Variants in CADM2 observed in about 807,000 individuals in gnomAD.
CADM2 encodes the protein immunoglobulin superfamily member 4D.
In CADM2, 12 loss-of-function variants were observed where a neutral mutation model predicts 49.8. The observed-to-expected ratio is 0.24, with a 90% confidence interval of 0.15 to 0.39. The LOEUF is 0.39. CADM2 is among the 10% of genes least tolerant of loss of function. The pLI, the probability that CADM2 is intolerant of heterozygous loss-of-function variation, is 1.00. For missense variants in CADM2, 378 were observed against 492.3 expected, an observed-to-expected ratio of 0.77 and a Z score of 2.20; for synonymous variants, 214 against 175.4, an observed-to-expected ratio of 1.22 and a Z score of -1.74.
chr3:85,897,904 T>TAA (rs1427346248), intron 5 of CADM2, among the ~76,000 whole-genome samples: 1 of 152,194 alleles, frequency 6.6e-6, no homozygotes, highest in Non-Finnish European at 1.5e-5. Flanking sequence ...AGAATGAATT[T>TAA]AAAATATCAT....
At chr3:85,408,188 A>G (rs747569809) in intron 1 of CADM2, among the ~76,000 whole-genome samples, 22 of 152,280 alleles carry the variant, frequency 1.4e-4, no homozygotes, top group South Asian at 4.1e-4. Context: ...ATAATAGTTC[A>G]GCAATATTTT....
intron 1 of CADM2, among the ~76,000 whole-genome samples, chr3:85,086,500 A>G (rs1575833430): frequency 1.4e-5 from 2 of 144,544 alleles, no homozygotes; most frequent in South Asian, 4.3e-4. Context: ...CAAAACATAC[A>G]AGAATAAACT....
intron 1 of CADM2, among the ~76,000 whole-genome samples, chr3:85,282,963 T>TTCA (rs1231497031): frequency 2.6e-5 from 4 of 152,064 alleles, no homozygotes; most frequent in African/African-American, 9.7e-5. Context: ...ATACCCTGAC[T>TTCA]TCATCATAAC....
At position 86,069,548 on chromosome 3, in the gene CADM2, C is replaced by G. The variant is rs1739658862; in HGVS notation, c.*2765C>G. The G allele has an allele frequency of 1.3e-5, 2 of 152,040 alleles. No homozygotes were observed. The highest frequency in any genetic ancestry group is 4.2e-4 in the South Asian group (2 of 4,812). The allele number at this position is 152,040 out of a possible 1,614,324, so 9.4% of individuals were successfully genotyped here. On this transcript the variant is annotated 3_prime_UTR_variant, in exon 10 of 10. Coordinates refer to ENST00000383699, the MANE Select transcript of CADM2 (RefSeq NM_001167675.2). ...TGTAAAAATTATGCTCATTTCTATT[C>G]CAACAAGTCAGAAAATAATGACATA...
intron 1 of CADM2, among the ~76,000 whole-genome samples, chr3:85,596,483 A>G (rs532183112): frequency 3.4e-4 from 52 of 152,250 alleles, no homozygotes; most frequent in Non-Finnish European, 5.0e-4. Flanking sequence ...ATGGTGACTG[A>G]TATTTTAAAA....
intron 1 of CADM2, among the ~76,000 whole-genome samples, chr3:85,476,220 G>A (rs1267029704): frequency 6.6e-6 from 1 of 151,604 alleles, no homozygotes; most frequent in East Asian, 1.9e-4. Context: ...ACAAAGTTTT[G>A]ATAACTGTTA....
At chr3:85,093,937 G>A (rs1706477408) in intron 1 of CADM2, among the ~76,000 whole-genome samples, 1 of 152,030 alleles carries the variant, frequency 6.6e-6, no homozygotes, top group South Asian at 2.1e-4. Context: ...AAGGTAATTA[G>A]CAAAGCTAGG....
At chr3:84,989,846 A>T (rs2032784047) in intron 1 of CADM2, among the ~76,000 whole-genome samples, 1 of 151,958 alleles carries the variant, frequency 6.6e-6, no homozygotes, top group Non-Finnish European at 1.5e-5. Context: ...TATTGTGATT[A>T]TTTTCTTTTC....
Position 85,808,881 on chromosome 3 carries a change from T to TAAG in CADM2, c.238+6687_238+6689dup, listed in dbSNP as rs566296220. 2.8e-3 allele frequency among the ~76,000 whole-genome samples: 421 copies of TAAG among 152,240 alleles called. 1 individual carries two copies. Among genetic ancestry groups the TAAG allele is most frequent in the African/African-American group, 9.8e-3 (406 of 41,548 alleles). On this transcript the variant is annotated intron_variant, in intron 3 of 9. Transcript: ENST00000383699. ...AAACATGAGTAAATTGTCCTAAAAC[T>TAAG]AAGACCGATAAAGAGAAGAAAAATG... is the stretch of plus-strand genomic sequence containing the variant.
intron 1 of CADM2, among the ~76,000 whole-genome samples, chr3:85,169,822 T>G (rs193145065): frequency 3.3e-5 from 5 of 152,284 alleles, no homozygotes; most frequent in African/African-American, 1.2e-4. Context: ...ATAAGATTAC[T>G]AAAAACATAT....
intron 1 of CADM2, among the ~76,000 whole-genome samples, chr3:85,293,384 T>C (rs2043859511): frequency 6.7e-6 from 1 of 149,122 alleles, no homozygotes; most frequent in African/African-American, 2.5e-5. Context: ...TACCATTCCT[T>C]CTGAAACTAT....
At chr3:85,148,076 A>C (rs2039806579) in intron 1 of CADM2, among the ~76,000 whole-genome samples, 1 of 152,224 alleles carries the variant, frequency 6.6e-6, no homozygotes, top group African/African-American at 2.4e-5. Context: ...TATTAGGCAC[A>C]ATGTTGACCC....
At chr3:85,169,941 C>T (rs2040574570) in intron 1 of CADM2, among the ~76,000 whole-genome samples, 1 of 152,116 alleles carries the variant, frequency 6.6e-6, no homozygotes, top group South Asian at 2.1e-4. Context: ...TATTCATTCA[C>T]AGAAACTGTT....
intron 2 of CADM2, among the ~76,000 whole-genome samples, chr3:85,791,868 C>A (rs532049543): frequency 1.3e-5 from 2 of 152,042 alleles, no homozygotes; most frequent in African/African-American, 2.4e-5. Flanking sequence ...GGACTACAGG[C>A]GCCCTCCACA....
chr3:85,748,511 A>C (rs2068712358), intron 2 of CADM2, among the ~76,000 whole-genome samples: 1 of 152,058 alleles, frequency 6.6e-6, no homozygotes, highest in East Asian at 1.9e-4. Flanking sequence ...ACGCTCACTT[A>C]TCTGAGTCTA....
chr3:85,885,328 G>A lies in CADM2; in HGVS notation c.392-862G>A, dbSNP rs557837355. 8.7e-4 allele frequency among the ~76,000 whole-genome samples: 130 copies of A among 148,926 alleles called. 3 individuals carry two copies. The Middle Eastern group carries it at 0.014, about 16-fold the overall frequency. On this transcript the variant is annotated intron_variant, in intron 4 of 9. Transcript: ENST00000383699. ...GAGGTAGGTGGATCACTTGAGGTCA[G>A]GAGTTTGAGACCAGCCCGGCCAACA...
intron 1 of CADM2, among the ~76,000 whole-genome samples, chr3:85,596,524 G>A (rs1303514152): frequency 6.6e-6 from 1 of 152,010 alleles, no homozygotes; most frequent in Non-Finnish European, 1.5e-5. Context: ...GCAAATTGAT[G>A]AGTATGGACA....
intron 1 of CADM2, among the ~76,000 whole-genome samples, chr3:85,543,772 C>T (rs1169289032): frequency 1.3e-5 from 2 of 152,156 alleles, no homozygotes; most frequent in African/African-American, 2.4e-5. Flanking sequence ...CAAGAGCAAA[C>T]TCACTTCTTA....
chr3:85,393,719 T>G (rs1243772384), intron 1 of CADM2, among the ~76,000 whole-genome samples: 1 of 152,156 alleles, frequency 6.6e-6, no homozygotes, highest in African/African-American at 2.4e-5. Flanking sequence ...AGATTCGAGA[T>G]AGATCGTAAC....
Sources: gnomAD v4.1 joint callset for allele counts (sites outside exome capture counted in the v4.1 genomes callset) on GRCh38, gnomAD v4.1.1 for gene constraint, MANE v1.5 for transcripts, NCBI Gene and HGNC (gene_info 2026-07-23, HGNC 2026-07-21) for gene names.